The following GIMAP7 variants were observed in gnomAD, a reference collection of about 807,000 sequenced individuals.
GIMAP7 encodes GTPase IMAP family member 7.
For synonymous variants in GIMAP7, 137 were observed against 129.3 expected (o/e 1.06, Z -0.40); for missense variants, 323 against 359.7 (o/e 0.90, Z 0.83).
rs779265360 is a variant in GIMAP7 at position 150,520,190 on chromosome 7, G to A, written c.216G>A (p.Glu72=). The change falls in exon 2 of 2, where the codon GAG becomes GAA. Residue 72 remains glutamate, a synonymous_variant. Coordinates refer to ENST00000313543, the MANE Select transcript of GIMAP7 (RefSeq NM_153236.4). The part of the protein sequence containing the change: ...VDTPGLFDTK[E]SLDTTCKEIS... ...CTCCAGGGCTCTTTGACACCAAGGA[G>A]AGCCTGGACACCACCTGCAAGGAAA... 2.5e-6 allele frequency: 4 copies of A among 1,614,118 alleles called. 1 individual carries two copies. In the South Asian group the frequency reaches 3.3e-5, roughly 13 times the overall value.
chr7:150,516,543 C>T (rs1410557048), intron 1 of GIMAP7, among the ~76,000 whole-genome samples: 1 of 152,234 alleles, frequency 6.6e-6, no homozygotes, highest in Non-Finnish European at 1.5e-5. Context: ...AATTTTAATA[C>T]TACCAGTTGT....
At chr7:150,517,526 C>A (rs1349628275) in intron 1 of GIMAP7, among the ~76,000 whole-genome samples, 1 of 152,026 alleles carries the variant, frequency 6.6e-6, no homozygotes, top group Non-Finnish European at 1.5e-5. Context: ...GCATTAAGTG[C>A]ACTCACTGCT....
chr7:150,520,118 A>G lies in GIMAP7; in HGVS notation c.144A>G (p.Gln48=), dbSNP rs1239265183. ...CCCAAGCTGTTACCAAGAACTGTCA[A>G]AAAGCATCCCGGGAATGGCAGGGGA... ...IAAQAVTKNC[Q]KASREWQGRD... The change falls in exon 2 of 2, where the codon CAA becomes CAG. Residue 48 remains glutamine, a synonymous_variant. Transcript: ENST00000313543. 4 of 1,614,064 alleles carry G rather than the reference A, an allele frequency of 2.5e-6. No individual in the cohort carries two copies. In the African/African-American group the frequency reaches 4.0e-5, roughly 16 times the overall value.
Position 150,520,694 on chromosome 7 carries a change from T to G in GIMAP7, c.720T>G (p.His240Gln). 1 of 1,580,384 alleles carries G rather than the reference T, an allele frequency of 6.3e-7. No homozygotes were observed. The highest frequency in any genetic ancestry group is 2.2e-5 in the East Asian group (1 of 44,680). ...EEIKLVEEDKHKSEEEKEKEI... is the reference protein window; with the variant it reads ...EEIKLVEEDKQKSEEEKEKEI... ...TTAAACTAGTAGAAGAGGATAAGCA[T>G]AAATCAGAGGAAGAAAAGGAGAAAG... is the stretch of plus-strand genomic sequence containing the variant. The change falls in exon 2 of 2, where the codon CAT becomes CAG. Residue 240 changes from histidine to glutamine, a missense_variant. Coordinates refer to ENST00000313543, the MANE Select transcript of GIMAP7 (RefSeq NM_153236.4).
At chr7:150,517,784 A>G (rs1365047152) in intron 1 of GIMAP7, among the ~76,000 whole-genome samples, 2 of 152,132 alleles carry the variant, frequency 1.3e-5, no homozygotes, top group Non-Finnish European at 2.9e-5. Context: ...AATGTTCTCA[A>G]GATCAAATTT....
Position 150,520,207 on chromosome 7 carries a change from G to A in GIMAP7, c.233G>A (p.Cys78Tyr), listed in dbSNP as rs1191455521. The A allele has an allele frequency of 6.2e-7, 1 of 1,614,138 alleles. No individual in the cohort carries two copies. The highest frequency in any genetic ancestry group is 1.7e-5 in the Admixed American group (1 of 60,016). ...ACCAAGGAGAGCCTGGACACCACCT[G>A]CAAGGAAATCAGCCGCTGCATCATC... ...FDTKESLDTT[C>Y]KEISRCIISS... is the part of the protein sequence containing the mutation. Residue 78 changes from cysteine (C) to tyrosine (Y), a missense_variant, in exon 2 of 2, where the codon TGC becomes TAC. Cys to Tyr is a radical substitution (Grantham distance 194). Coordinates refer to ENST00000313543, the MANE Select transcript of GIMAP7 (RefSeq NM_153236.4).
chr7:150,516,829 G>A (rs1795141143), intron 1 of GIMAP7, among the ~76,000 whole-genome samples: 1 of 152,162 alleles, frequency 6.6e-6, no homozygotes, highest in Admixed American at 6.5e-5. Flanking sequence ...TATATGAATG[G>A]GGAGGTTGGA....
chr7:150,518,495 A>T (rs895823857), intron 1 of GIMAP7, among the ~76,000 whole-genome samples: 4 of 151,690 alleles, frequency 2.6e-5, no homozygotes, highest in African/African-American at 9.7e-5. Flanking sequence ...TAATTTATAT[A>T]TTTTTTTCTT....
chr7:150,520,848 T>G lies in GIMAP7; in HGVS notation c.874T>G (p.Leu292Val), dbSNP rs377715710. 6.8e-6 allele frequency: 10 copies of G among 1,478,304 alleles called. No homozygotes were observed. In the African/African-American group the frequency reaches 1.3e-4, roughly 19 times the overall value. 91.6% of individuals were successfully genotyped at this position (1,478,304 alleles called of 1,614,324 possible). ...KMLSEIWHRFLSKCKFYSS is the reference protein window; with the variant it reads ...KMLSEIWHRFVSKCKFYSS Reference sequence around the variant, plus strand: ...GCTTTCAGAAATATGGCATAGGTTTTTGTCGAAATGTAAGTTTTATTCTTC... The same window carrying G: ...GCTTTCAGAAATATGGCATAGGTTTGTGTCGAAATGTAAGTTTTATTCTTC... Residue 292 changes from leucine to valine, a missense_variant, in exon 2 of 2, where the codon TTG becomes GTG. Leu to Val is a conservative substitution (Grantham distance 32, BLOSUM62 1). Transcript: ENST00000313543.
intron 1 of GIMAP7, among the ~76,000 whole-genome samples, 177 bp downstream of exon 1, chr7:150,515,122 A>G (rs1795121640): frequency 6.6e-6 from 1 of 152,146 alleles, no homozygotes; most frequent in South Asian, 2.1e-4. Context: ...ATTTGTTTGC[A>G]TGGAGCCCAT....
chr7:150,520,401 C>T lies in GIMAP7; in HGVS notation c.427C>T (p.His143Tyr), dbSNP rs2116665780. The T allele has an allele frequency of 1.2e-6, 2 of 1,614,180 alleles. No homozygotes were observed. Among genetic ancestry groups the T allele is most frequent in the African/African-American group, 2.7e-5 (2 of 75,020 alleles). The change falls in exon 2 of 2, where the codon CAT becomes TAT. Residue 143 changes from histidine (H) to tyrosine (Y), a missense_variant. Coordinates refer to ENST00000313543, the MANE Select transcript of GIMAP7 (RefSeq NM_153236.4). ...RKEELEGQSF[H>Y]DFIADADVGL... ...AGAAGAGTTGGAGGGCCAGAGCTTC[C>T]ATGACTTCATAGCAGATGCGGATGT...
chr7:150,520,756 TA>T lies in GIMAP7; in HGVS notation c.788del (p.Asn263IlefsTer2), dbSNP rs1175406602. 2.0e-6 allele frequency: 3 copies of T among 1,500,848 alleles called. No individual in the cohort carries two copies. The highest frequency in any genetic ancestry group is 3.8e-5 in the Admixed American group (2 of 52,030). 93.0% of individuals were successfully genotyped at this position (1,500,848 alleles called of 1,614,324 possible). ...CTAAAATTAAAATATGATGAAAAAATAAAAAATATAAGGGAAGAAGCTGAGA... is the reference window on the plus strand; with the variant it reads ...CTAAAATTAAAATATGATGAAAAAATAAAAATATAAGGGAAGAAGCTGAGA... ...KLLKLKYDEK[I>X]KNIREEAERN... On this transcript the variant is annotated frameshift_variant, in exon 2 of 2. Transcript: ENST00000313543. LOFTEE classifies it low-confidence loss of function (END_TRUNC).
chr7:150,515,639 T>G (rs1795128141), intron 1 of GIMAP7, among the ~76,000 whole-genome samples: 1 of 152,212 alleles, frequency 6.6e-6, no homozygotes, highest in Non-Finnish European at 1.5e-5. Flanking sequence ...GGCCACAGTT[T>G]AGAACTGTTC....
At chr7:150,515,612 C>T (rs1297580950) in intron 1 of GIMAP7, among the ~76,000 whole-genome samples, 3 of 152,208 alleles carry the variant, frequency 2.0e-5, no homozygotes, top group Non-Finnish European at 4.4e-5. Flanking sequence ...ACGAAATTTT[C>T]TAGAACCGGT....
At position 150,514,960 on chromosome 7, in the gene GIMAP7, G is replaced by A. The variant is rs566509692; in HGVS notation, c.-42+15G>A. 10 of 152,874 alleles carry A rather than the reference G, an allele frequency of 6.5e-5. No individual in the cohort carries two copies. The highest frequency in any genetic ancestry group is 2.2e-4 in the African/African-American group (9 of 41,600). The allele number at this position is 152,874 out of a possible 1,614,324, so 9.5% of individuals were successfully genotyped here. A position where few individuals can be genotyped will look rare whatever the true frequency, so the allele number is the denominator to read the frequency against. On this transcript the variant is annotated intron_variant, in intron 1 of 1. Coordinates refer to ENST00000313543, the MANE Select transcript of GIMAP7 (RefSeq NM_153236.4). ...TTCAAGAGAAGGTGAGCCTGGCTGA[G>A]AAGAGGGTCTGGTGCTATTGGGCTG...
rs1030224963 is a variant in GIMAP7 at position 150,520,064 on chromosome 7, A to G, written c.90A>G (p.Gly30=). Residue 30 remains glycine, a synonymous_variant, in exon 2 of 2, where the codon GGA becomes GGG. Transcript: ENST00000313543. Reference sequence around the variant, plus strand: ...GTGCAACAGCGAACACCATCCTTGGAGAGGAAATCTTTGATTCTAGAATTG... The same window carrying G: ...GTGCAACAGCGAACACCATCCTTGGGGAGGAAATCTTTGATTCTAGAATTG... ...GKSATANTIL[G]EEIFDSRIAA... 1 of 1,614,138 alleles carries G rather than the reference A, an allele frequency of 6.2e-7. No homozygotes were observed. Among genetic ancestry groups the G allele is most frequent in the Non-Finnish European group, 8.5e-7 (1 of 1,180,008 alleles).
chr7:150,518,380 A>G (rs546002378), intron 1 of GIMAP7, among the ~76,000 whole-genome samples: 12 of 152,258 alleles, frequency 7.9e-5, no homozygotes, highest in East Asian at 5.8e-4. Flanking sequence ...TGCCATACCT[A>G]TAGTAGAGAA....
chr7:150,520,961 A>G lies in GIMAP7; in HGVS notation c.*84A>G. The G allele has an allele frequency of 1.8e-6, 1 of 548,590 alleles. No homozygotes were observed. Among genetic ancestry groups the G allele is most frequent in the African/African-American group, 2.0e-5 (1 of 49,926 alleles). The allele number at this position is 548,590 out of a possible 1,614,324, so 34.0% of individuals were successfully genotyped here. ...TCCTTCCCCTTAGCTTTATTAAGGT[A>G]TCATTGATAAATAAAAATAAAATAT... is the stretch of plus-strand genomic sequence containing the variant. On this transcript the variant is annotated 3_prime_UTR_variant, in exon 2 of 2. Coordinates refer to ENST00000313543, the MANE Select transcript of GIMAP7 (RefSeq NM_153236.4).
At chr7:150,517,885 C>A (rs953035871) in intron 1 of GIMAP7, among the ~76,000 whole-genome samples, 1 of 151,938 alleles carries the variant, frequency 6.6e-6, no homozygotes, top group East Asian at 1.9e-4. Context: ...ATAAATAATT[C>A]TTTTGTTTAG....
Sources: allele counts gnomAD v4.1 joint callset (sites outside exome capture counted in the v4.1 genomes callset), GRCh38; gene constraint gnomAD v4.1.1; transcripts MANE v1.5; gene names NCBI Gene and HGNC (gene_info 2026-07-23, HGNC 2026-07-21).